ACAN: variants seen among roughly 807,000 people sequenced by gnomAD.
ACAN encodes aggrecan.
In ACAN, 47 loss-of-function variants were observed where a neutral mutation model predicts 169.1. The ratio of observed to expected loss-of-function variants is 0.28; its 90% confidence interval spans 0.22 to 0.35. The LOEUF is 0.35. Ranked by LOEUF, ACAN falls within the 10% of genes least tolerant of loss-of-function variation. The pLI, the probability that ACAN is intolerant of heterozygous loss-of-function variation, is 1.00. For synonymous variants in ACAN, 1,115 were observed against 1,112.2 expected, an observed-to-expected ratio of 1.00 and a Z score of -0.05; for missense variants, 2,716 against 2,759.9, an observed-to-expected ratio of 0.98 and a Z score of 0.36.
At chr15:88,825,628 G>C (rs80251377) in intron 1 of ACAN, among the ~76,000 whole-genome samples, 1 of 152,220 alleles carries the variant, frequency 6.6e-6, no homozygotes, top group Non-Finnish European at 1.5e-5. Flanking sequence ...GAAGAACAGC[G>C]TATCTCTTGT....
Position 88,874,502 on chromosome 15 carries a change from C to G in ACAN, c.*21C>G. ...ACTGAGAAGAGCTTCCAGGACGCACCCAGGACGCTGAGCCCAGGAGCCTGC... is the reference window on the plus strand; with the variant it reads ...ACTGAGAAGAGCTTCCAGGACGCACGCAGGACGCTGAGCCCAGGAGCCTGC... On this transcript the variant is annotated 3_prime_UTR_variant, in exon 19 of 19. Transcript: ENST00000560601. The surrounding 1 kb of genome is among the most constrained non-coding windows in gnomAD (Gnocchi z 7.3). 6.3e-7 allele frequency: 1 copy of G among 1,581,724 alleles called. No individual in the cohort carries two copies. Among genetic ancestry groups the G allele is most frequent in the Non-Finnish European group, 8.6e-7 (1 of 1,163,218 alleles).
chr15:88,804,132 C>T (rs1440025795), intron 1 of ACAN, among the ~76,000 whole-genome samples: 1 of 152,068 alleles, frequency 6.6e-6, no homozygotes, highest in African/African-American at 2.4e-5. Context: ...CTGGAAAGAC[C>T]CATGGTTGAC....
chr15:88,812,964 G>A (rs1895857204), intron 1 of ACAN, among the ~76,000 whole-genome samples: 1 of 152,176 alleles, frequency 6.6e-6, no homozygotes, highest in Non-Finnish European at 1.5e-5. Context: ...CCAGCAACAG[G>A]CTTTGTAGGT....
At chr15:88,840,444 T>C (rs1353696189) in intron 4 of ACAN, among the ~76,000 whole-genome samples, 2 of 152,242 alleles carry the variant, frequency 1.3e-5, no homozygotes, top group East Asian at 3.8e-4. Context: ...TTATTTTTCC[T>C]ACCCATTTTT....
In ACAN at chr15:88,849,598, C is replaced by G. The variant is rs748095240; in HGVS notation, c.1893C>G (p.Ser631Arg). ...ATGCCGGCTGGCTGGCCGACGGCAG[C>G]CTCCGCTACCCCATCGTCACCCCAA... The part of the protein sequence containing the change: ...KCYAGWLADG[S>R]LRYPIVTPRP... Residue 631 changes from serine to arginine, a missense_variant, in exon 10 of 19, where the codon AGC becomes AGG. Ser to Arg is a moderately radical substitution (Grantham distance 110, BLOSUM62 -1). This residue lies in a region of ACAN where 1,283 missense variants were observed against 1,281.5 expected (regional missense o/e 1.00). Coordinates refer to ENST00000560601, the MANE Select transcript of ACAN (RefSeq NM_001369268.1). The surrounding 1 kb of genome is among the most constrained non-coding windows in gnomAD (Gnocchi z 5.1). 12 of 1,609,756 alleles carry G rather than the reference C, an allele frequency of 7.5e-6. No individual in the cohort carries two copies. Among genetic ancestry groups the G allele is most frequent in the Non-Finnish European group, 1.0e-5 (12 of 1,178,536 alleles).
At position 88,874,100 on chromosome 15, in the gene ACAN, C is replaced by G. The variant is rs765486310; in HGVS notation, c.7630+76C>G. ...CACAGCCTTCCCCCCGTCCCCTCTCCTGGGGACCCTACACCGTCCACAGGG... is the reference window on the plus strand; with the variant it reads ...CACAGCCTTCCCCCCGTCCCCTCTCGTGGGGACCCTACACCGTCCACAGGG... On this transcript the variant is annotated intron_variant, in intron 18 of 18. Transcript: ENST00000560601. The surrounding 1 kb of genome is among the most constrained non-coding windows in gnomAD (Gnocchi z 7.3). 5 of 1,546,776 alleles carry G rather than the reference C, an allele frequency of 3.2e-6. No homozygotes were observed.
rs2141603063 is a variant in ACAN at position 88,855,197 on chromosome 15, C to T, written c.2612C>T (p.Thr871Ile). 1 of 1,606,728 alleles carries T rather than the reference C, an allele frequency of 6.2e-7. No homozygotes were observed. Among genetic ancestry groups the T allele is most frequent in the Non-Finnish European group, 8.5e-7 (1 of 1,175,178 alleles). ...SGAPDVSGDF[T>I]GSGDVSGHLD... Reference sequence around the variant, plus strand: ...GCCCCTGATGTCAGTGGTGACTTCACAGGCAGTGGAGATGTTTCAGGACAC... The same window carrying T: ...GCCCCTGATGTCAGTGGTGACTTCATAGGCAGTGGAGATGTTTCAGGACAC... The change falls in exon 12 of 19, where the codon ACA becomes ATA. Residue 871 changes from threonine (T) to isoleucine (I), a missense_variant. Coordinates refer to ENST00000560601, the MANE Select transcript of ACAN (RefSeq NM_001369268.1).
Position 88,858,138 on chromosome 15 carries a change from G to C in ACAN, c.5553G>C (p.Gly1851=), listed in dbSNP as rs756343851. 1 of 1,613,826 alleles carries C rather than the reference G, an allele frequency of 6.2e-7. No individual in the cohort carries two copies. The highest frequency in any genetic ancestry group is 2.2e-5 in the East Asian group (1 of 44,868). ...PTTFKEEEGL[G]SVELSGLPSG... Reference sequence around the variant, plus strand: ...CATTTAAAGAAGAAGAAGGCTTAGGGTCTGTGGAACTCAGTGGCCTCCCTT... The same window carrying C: ...CATTTAAAGAAGAAGAAGGCTTAGGCTCTGTGGAACTCAGTGGCCTCCCTT... The change falls in exon 12 of 19, where the codon GGG becomes GGC. Residue 1851 remains glycine, a synonymous_variant. Transcript: ENST00000560601. This position sits in a 1 kb window ranked among gnomAD's most constrained non-coding sequence, Gnocchi z 4.0.
chr15:88,813,943 C>T (rs1052838267), intron 1 of ACAN, among the ~76,000 whole-genome samples: 4 of 152,368 alleles, frequency 2.6e-5, no homozygotes, highest in Middle Eastern at 3.4e-3. Flanking sequence ...TCCCTCTGGT[C>T]TCTCCTCAGT....
intron 1 of ACAN, among the ~76,000 whole-genome samples, chr15:88,815,018 G>T (rs1340947431): frequency 1.4e-5 from 2 of 145,658 alleles, no homozygotes; most frequent in Non-Finnish European, 1.5e-5. Context: ...TTCTTGTCCT[G>T]TGTGGACCCC....
intron 1 of ACAN, among the ~76,000 whole-genome samples, chr15:88,831,671 G>C (rs1199251846): frequency 6.6e-6 from 1 of 152,238 alleles, no homozygotes; most frequent in Non-Finnish European, 1.5e-5. Context: ...CTGAGTTCTG[G>C]TTTGGGCTCC....
At chr15:88,836,784 G>A (rs898794695) in intron 2 of ACAN, among the ~76,000 whole-genome samples, 2 of 152,220 alleles carry the variant, frequency 1.3e-5, no homozygotes, top group Non-Finnish European at 2.9e-5. Context: ...GCATGTGGAA[G>A]GCACTGGGTC....
intron 2 of ACAN, among the ~76,000 whole-genome samples, chr15:88,837,083 T>G (rs913188377): frequency 2.6e-5 from 4 of 152,172 alleles, no homozygotes; most frequent in Non-Finnish European, 4.4e-5. Flanking sequence ...CCAGGCCACA[T>G]CCAGGGCCTG....
chr15:88,819,332 G>T (rs1896017831), intron 1 of ACAN, among the ~76,000 whole-genome samples: 1 of 152,186 alleles, frequency 6.6e-6, no homozygotes, highest in South Asian at 2.1e-4. Flanking sequence ...CTCTTCTGGG[G>T]TTGGAGGCCT....
Position 88,851,810 on chromosome 15 carries a change from T to C in ACAN, c.2043T>C (p.Pro681=), listed in dbSNP as rs775390838. The C allele has an allele frequency of 5.6e-6, 9 of 1,600,092 alleles. No homozygotes were observed. Among genetic ancestry groups the C allele is most frequent in the Non-Finnish European group, 7.7e-6 (9 of 1,173,274 alleles). ...AFCFRGISAV[P]SPGEEEGGTP... ...CTCCTTTAGGCATTTCAGCGGTTCCTTCTCCAGGAGAAGAAGAGGGTGGCA... is the reference window on the plus strand; with the variant it reads ...CTCCTTTAGGCATTTCAGCGGTTCCCTCTCCAGGAGAAGAAGAGGGTGGCA... The change falls in exon 11 of 19, where the codon CCT becomes CCC. Residue 681 remains proline, a synonymous_variant. Coordinates refer to ENST00000560601, the MANE Select transcript of ACAN (RefSeq NM_001369268.1). This position sits in a 1 kb window ranked among gnomAD's most constrained non-coding sequence, Gnocchi z 4.3.
At chr15:88,835,256 A>T (rs1434861957) in intron 1 of ACAN, among the ~76,000 whole-genome samples, 2 of 152,160 alleles carry the variant, frequency 1.3e-5, no homozygotes, top group Non-Finnish European at 2.9e-5. Flanking sequence ...CTGGATTTGA[A>T]GTTGGTGGCA....
At position 88,847,897 on chromosome 15, in the gene ACAN, A is replaced by T. The variant is rs1896834061; in HGVS notation, c.1605-14A>T. On this transcript the variant is annotated splice_polypyrimidine_tract_variant and intron_variant, in intron 8 of 18. Coordinates refer to ENST00000560601, the MANE Select transcript of ACAN (RefSeq NM_001369268.1). ...GAACAGGCCTTCATCTTCTCCTCCC[A>T]CTCTCCTTTGCAGATACCCCATTGT... 2 of 1,609,698 alleles carry T rather than the reference A, an allele frequency of 1.2e-6. No individual in the cohort carries two copies. Among genetic ancestry groups the T allele is most frequent in the African/African-American group, 1.3e-5 (1 of 74,468 alleles).
At chr15:88,852,858 T>G (rs1896961562) in intron 11 of ACAN, among the ~76,000 whole-genome samples, 1 of 152,116 alleles carries the variant, frequency 6.6e-6, no homozygotes, top group South Asian at 2.1e-4. Context: ...CCTGGTAGAG[T>G]CAGTTTCCCT....
At position 88,857,641 on chromosome 15, in the gene ACAN, A is replaced by C. The variant is rs542821166; in HGVS notation, c.5056A>C (p.Ile1686Leu). 4 of 1,614,008 alleles carry C rather than the reference A, an allele frequency of 2.5e-6. No individual in the cohort carries two copies. The highest frequency in any genetic ancestry group is 3.4e-6 in the Non-Finnish European group (4 of 1,179,896). ...ACTGGAAGGGAGGGGAACCATTGGC[A>C]TCAGTGGTGCAGGAGAAATATCTGG... ...SELEGRGTIG[I>L]SGAGEISGLP... is the part of the protein sequence containing the mutation. The change falls in exon 12 of 19, where the codon ATC becomes CTC. Residue 1686 changes from isoleucine (I) to leucine (L), a missense_variant. Physicochemically the swap from Ile to Leu is conservative, Grantham distance 5. Coordinates refer to ENST00000560601, the MANE Select transcript of ACAN (RefSeq NM_001369268.1).
Sources: allele counts gnomAD v4.1 joint callset (sites outside exome capture counted in the v4.1 genomes callset), GRCh38; gene constraint gnomAD v4.1.1; regional missense constraint gnomAD v4.1.1; non-coding constraint Gnocchi (gnomAD v3.1); transcripts MANE v1.5; gene names NCBI Gene and HGNC (gene_info 2026-07-23, HGNC 2026-07-21).